Variants in C10orf90 observed in about 807,000 individuals in gnomAD.
C10orf90 encodes (E2-independent) E3 ubiquitin-conjugating enzyme FATS.
C10orf90 carries 56 observed loss-of-function variants against 62.5 expected under a neutral mutation model. That is an observed-to-expected ratio of 0.90 (90% CI 0.72 to 1.12). The LOEUF (loss-of-function observed/expected upper bound fraction) is 1.12, where lower values mean the gene tolerates loss of function less well. C10orf90 is among the 50% of genes most tolerant of loss of function. C10orf90 has a pLI of 0.00. For synonymous variants in C10orf90, 386 were observed against 340.4 expected (o/e 1.13, Z -1.47); for missense variants, 970 against 880.4 (o/e 1.10, Z -1.29).
intron 2 of C10orf90, among the ~76,000 whole-genome samples, chr10:126,537,989 T>A (rs970054377): frequency 3.9e-5 from 6 of 152,180 alleles, no homozygotes; most frequent in Non-Finnish European, 7.3e-5. Flanking sequence ...GAAAGCCACG[T>A]AAAAATGAAG....
At chr10:126,614,894 GACTT>G (rs1235508548) in intron 2 of C10orf90, among the ~76,000 whole-genome samples, 1 of 152,164 alleles carries the variant, frequency 6.6e-6, no homozygotes, top group African/African-American at 2.4e-5. Flanking sequence ...TATCAACTAG[GACTT>G]ACAGCATAAC....
chr10:126,449,545 T>C (rs889270591), intron 7 of C10orf90, among the ~76,000 whole-genome samples: 18 of 152,114 alleles, frequency 1.2e-4, no homozygotes, highest in Non-Finnish European at 1.3e-4. Context: ...ATGGCAATTA[T>C]TTAAGAAAAA....
chr10:126,609,906 C>T (rs1331397602), intron 2 of C10orf90, among the ~76,000 whole-genome samples: 1 of 152,180 alleles, frequency 6.6e-6, no homozygotes. Context: ...GGATATGCAT[C>T]TCCCCAGAAT....
intron 2 of C10orf90, among the ~76,000 whole-genome samples, chr10:126,555,723 T>A (rs1322115741): frequency 1.0e-5 from 1 of 98,284 alleles, no homozygotes; most frequent in Admixed American, 1.0e-4. Context: ...TAAATAAAAA[T>A]TAAATAAATA....
intron 4 of C10orf90, among the ~76,000 whole-genome samples, chr10:126,484,352 A>G (rs1424497306): frequency 1.3e-5 from 2 of 152,208 alleles, no homozygotes; most frequent in Non-Finnish European, 2.9e-5. Context: ...ACACCGACTC[A>G]AATGGTACAA....
intron 2 of C10orf90, among the ~76,000 whole-genome samples, chr10:126,539,661 T>G (rs2133965422): frequency 6.6e-6 from 1 of 152,330 alleles, no homozygotes; most frequent in African/African-American, 2.4e-5. Flanking sequence ...TAATACTTAT[T>G]TTGTGATTTC....
rs567338152 is a variant in C10orf90, at chr10:126,511,539, A to T, written c.405+2309T>A. Among the ~76,000 whole-genome samples the T allele has an allele frequency of 2.0e-5, 3 of 151,714 alleles. No individual in the cohort carries two copies. The South Asian group carries it at 6.3e-4, about 32-fold the overall frequency. On this transcript the variant is annotated intron_variant, in intron 3 of 9. Transcript: ENST00000488181. ...ACTAACTTCCCAGTCCCTTTTCCCC[A>T]TTCTCTGACAACCACCAAGAATCGC...
At chr10:126,649,534 G>C (rs148406739) in intron 1 of C10orf90, among the ~76,000 whole-genome samples, 16 of 152,216 alleles carry the variant, frequency 1.1e-4, no homozygotes, top group African/African-American at 3.9e-4. Flanking sequence ...ACATCTTCCT[G>C]GTCCTTCTGG....
chr10:126,547,568 A>T (rs10794087), intron 2 of C10orf90, among the ~76,000 whole-genome samples: 1 of 150,072 alleles, frequency 6.7e-6, no homozygotes, highest in African/African-American at 2.5e-5. Context: ...CTGAGAGAGA[A>T]ATTAAAGCAG....
At chr10:126,440,933 C>T (rs1450611829) in intron 7 of C10orf90, among the ~76,000 whole-genome samples, 1 of 152,166 alleles carries the variant, frequency 6.6e-6, no homozygotes, top group Non-Finnish European at 1.5e-5. Flanking sequence ...AGCCTACCCA[C>T]ATGAAAAGGA....
chr10:126,589,731 A>G (rs918645065), intron 2 of C10orf90, among the ~76,000 whole-genome samples: 2 of 152,218 alleles, frequency 1.3e-5, no homozygotes, highest in African/African-American at 4.8e-5. Context: ...AGGAAAAACC[A>G]TTACTAGCCA....
chr10:126,636,578 C>T (rs981372888), intron 2 of C10orf90, among the ~76,000 whole-genome samples: 1 of 152,192 alleles, frequency 6.6e-6, no homozygotes, highest in Non-Finnish European at 1.5e-5. Flanking sequence ...CTTGTCTCCT[C>T]CAGCTCTGCC....
chr10:126,581,490 C>T (rs1401002604), intron 2 of C10orf90, among the ~76,000 whole-genome samples: 2 of 150,794 alleles, frequency 1.3e-5, no homozygotes, highest in East Asian at 3.9e-4. Flanking sequence ...AAAGATGGTC[C>T]CAGGTACTCC....
At chr10:126,601,053 G>A (rs1457912393) in intron 2 of C10orf90, among the ~76,000 whole-genome samples, 1 of 152,198 alleles carries the variant, frequency 6.6e-6, no homozygotes, top group Non-Finnish European at 1.5e-5. Flanking sequence ...CTACAACACA[G>A]ACAGGCTTGG....
chr10:126,668,337 G>C (rs1404417544), intron 1 of C10orf90, among the ~76,000 whole-genome samples: 1 of 152,176 alleles, frequency 6.6e-6, no homozygotes, highest in Non-Finnish European at 1.5e-5. Context: ...TCAAAGCCCA[G>C]GGCAGGTTAA....
chr10:126,524,476 C>T (rs1216064626), intron 2 of C10orf90: 3 of 297,748 alleles, frequency 1.0e-5, no homozygotes, highest in Non-Finnish European at 1.5e-5. Context: ...GGACAGGAAT[C>T]CTGCTGGGAA....
At chr10:126,564,330 G>C (rs1196091516) in intron 2 of C10orf90, among the ~76,000 whole-genome samples, 1 of 152,030 alleles carries the variant, frequency 6.6e-6, no homozygotes, top group Non-Finnish European at 1.5e-5. Flanking sequence ...GGGTCTAGAA[G>C]TGGTGACTCT....
At chr10:126,595,504 A>T (rs1845065621) in intron 2 of C10orf90, among the ~76,000 whole-genome samples, 1 of 152,190 alleles carries the variant, frequency 6.6e-6, no homozygotes, top group Non-Finnish European at 1.5e-5. Flanking sequence ...GGCAAATTGC[A>T]AATAAGGGAT....
chr10:126,499,698 G>A (rs1280772698), intron 4 of C10orf90, among the ~76,000 whole-genome samples: 1 of 152,150 alleles, frequency 6.6e-6, no homozygotes, highest in African/African-American at 2.4e-5. Flanking sequence ...ATTCACTAGT[G>A]ATGCTAAACT....
Sources: allele counts gnomAD v4.1 joint callset (sites outside exome capture counted in the v4.1 genomes callset), GRCh38; gene constraint gnomAD v4.1.1; transcripts MANE v1.5; gene names NCBI Gene and HGNC (gene_info 2026-07-23, HGNC 2026-07-21).